The following EBF4 variants were observed in gnomAD, a reference collection of about 807,000 sequenced individuals.
EBF4 encodes transcription factor COE4.
In EBF4, 34 loss-of-function variants were observed where a neutral mutation model predicts 67.1. The ratio of observed to expected loss-of-function variants is 0.51; its 90% confidence interval spans 0.39 to 0.67. The LOEUF (loss-of-function observed/expected upper bound fraction) is 0.67. EBF4 is among the 30% of genes least tolerant of loss of function. The probability of loss-of-function intolerance (pLI) is 0.00; values close to 1 mark genes in which losing one functional copy is unlikely to be tolerated. For synonymous variants in EBF4, 387 were observed against 377.7 expected (o/e 1.02, Z -0.29); for missense variants, 837 against 873.3 (o/e 0.96, Z 0.52).
chr20:2,701,005 G>A (rs1374089239), intron 1 of EBF4, among the ~76,000 whole-genome samples: 1 of 152,200 alleles, frequency 6.6e-6, no homozygotes, highest in Non-Finnish European at 1.5e-5. Flanking sequence ...TCCCAGGCAA[G>A]GGGCAGCCCC....
chr20:2,706,659 A>T (rs2087463624), intron 4 of EBF4, among the ~76,000 whole-genome samples: 1 of 152,152 alleles, frequency 6.6e-6, no homozygotes. Context: ...AGCAAGTACC[A>T]GGATTTTGCA....
At chr20:2,706,670 C>T (rs989161143) in intron 4 of EBF4, among the ~76,000 whole-genome samples, 4 of 152,146 alleles carry the variant, frequency 2.6e-5, no homozygotes, top group African/African-American at 9.7e-5. Context: ...GGATTTTGCA[C>T]CCCGTATCAA....
At chr20:2,744,492 C>T (rs4813614) in intron 6 of EBF4, among the ~76,000 whole-genome samples, 35,586 of 115,636 alleles carry the variant, frequency 0.31, 5,888 homozygotes, top group African/African-American at 0.42. Flanking sequence ...TTTTTCTTTT[C>T]TTTTTTTTTT....
Position 2,752,556 on chromosome 20 carries a change from C to G in EBF4, c.1540+11C>G, listed in dbSNP as rs2088172317. 3 of 1,236,540 alleles carry G rather than the reference C, an allele frequency of 2.4e-6. No homozygotes were observed. The highest frequency in any genetic ancestry group is 2.0e-6 in the Non-Finnish European group (2 of 987,290). 76.6% of individuals were successfully genotyped at this position (1,236,540 alleles called of 1,614,324 possible). Reference sequence around the variant, plus strand: ...CCTCGCCCTTCGCCAGTGAGTGTCCCCCGCCCGCGAGGGAAGGTCTGGGGC... The same window carrying G: ...CCTCGCCCTTCGCCAGTGAGTGTCCGCCGCCCGCGAGGGAAGGTCTGGGGC... On this transcript the variant is annotated intron_variant, in intron 14 of 16. Transcript: ENST00000609451.
At chr20:2,716,459 G>A (rs2087611881) in intron 6 of EBF4, among the ~76,000 whole-genome samples, 2 of 151,494 alleles carry the variant, frequency 1.3e-5, no homozygotes, top group African/African-American at 2.4e-5. Flanking sequence ...AACTCAGGAG[G>A]CGGAGGTTGT....
chr20:2,709,582 G>A (rs1421801726), exon 6 of EBF4: 3 of 1,555,386 alleles, frequency 1.9e-6, no homozygotes, highest in Non-Finnish European at 2.6e-6. Context: ...AGCCGGTGCT[G>A]TGACCGGAAG....
At chr20:2,727,360 G>A (rs2087759303) in intron 6 of EBF4, among the ~76,000 whole-genome samples, 1 of 152,026 alleles carries the variant, frequency 6.6e-6, no homozygotes. Flanking sequence ...AGTATATGCA[G>A]GGATTGGCCA....
intron 13 of EBF4, 43 bp downstream of exon 13, chr20:2,752,306 C>G (rs1321171396): frequency 5.0e-6 from 6 of 1,202,118 alleles, no homozygotes; most frequent in Non-Finnish European, 4.1e-6. Flanking sequence ...GCGCCGCCAC[C>G]GCCCCTCCCC....
At chr20:2,752,023 C>G (rs926014366) in intron 12 of EBF4, 36 bp downstream of exon 12, 8 of 1,526,112 alleles carry the variant, frequency 5.2e-6, no homozygotes, top group East Asian at 5.1e-5. Flanking sequence ...CCGCCGGGAC[C>G]GGGGCCCCCC....
At chr20:2,723,848 A>G (rs929592778) in intron 6 of EBF4, among the ~76,000 whole-genome samples, 2 of 151,864 alleles carry the variant, frequency 1.3e-5, no homozygotes, top group African/African-American at 2.4e-5. Flanking sequence ...TGTGCTTTCT[A>G]TTTGTTCCAC....
chr20:2,736,483 CCT>C (rs1467949021), intron 6 of EBF4, among the ~76,000 whole-genome samples: 1 of 152,144 alleles, frequency 6.6e-6, no homozygotes, highest in Non-Finnish European at 1.5e-5. Flanking sequence ...TGCAACATTC[CCT>C]GTTTTCCTCT....
At chr20:2,749,815 G>T in intron 9 of EBF4, 32 bp from the exon 10 acceptor site, 1 of 1,543,096 alleles carries the variant, frequency 6.5e-7, no homozygotes, top group Non-Finnish European at 8.8e-7. Context: ...TCGCCGGTGC[G>T]GGACCTGCAG....
rs148124170 is a variant in EBF4, at chr20:2,738,483, G to C, written c.558-10066G>C. Among the ~76,000 whole-genome samples the C allele has an allele frequency of 1.3e-5, 2 of 152,274 alleles. 1 individual carries two copies. The highest frequency in any genetic ancestry group is 4.8e-5 in the African/African-American group (2 of 41,548). ...CCCAGGCTTGAGAGGACTTGTGTGG[G>C]TGCATGTGTACATCTGTGTCCACAC... On this transcript the variant is annotated intron_variant, in intron 6 of 16. Transcript: ENST00000609451.
chr20:2,734,932 A>G (rs1271616353), intron 6 of EBF4, among the ~76,000 whole-genome samples: 4 of 152,184 alleles, frequency 2.6e-5, no homozygotes, highest in African/African-American at 9.7e-5. Flanking sequence ...TTTTTTGGGC[A>G]TGTGCCTCTC....
At chr20:2,732,807 A>C (rs55998341) in intron 6 of EBF4, among the ~76,000 whole-genome samples, 3 of 146,798 alleles carry the variant, frequency 2.0e-5, no homozygotes, top group Middle Eastern at 3.6e-3. Flanking sequence ...TTTTTCTTTT[A>C]TTTTTTCTTT....
chr20:2,744,695 T>G (rs1330732142), intron 6 of EBF4, among the ~76,000 whole-genome samples: 1 of 151,846 alleles, frequency 6.6e-6, no homozygotes, highest in African/African-American at 2.4e-5. Context: ...TTTCGCAGCA[T>G]TGGGCAGGCT....
chr20:2,754,333 CTT>C (rs2088204202), intron 14 of EBF4, among the ~76,000 whole-genome samples: 1 of 152,122 alleles, frequency 6.6e-6, no homozygotes, highest in Non-Finnish European at 1.5e-5. Flanking sequence ...TTGGGTCTCT[CTT>C]TGTTTTTCTG....
intron 6 of EBF4, among the ~76,000 whole-genome samples, chr20:2,711,109 C>G (rs2087537542): frequency 6.6e-6 from 1 of 151,700 alleles, no homozygotes; most frequent in Non-Finnish European, 1.5e-5. Context: ...GATTGTGCCA[C>G]TGCACTCCAG....
In EBF4 at chr20:2,755,645, C is replaced by G. The variant is rs763788139; in HGVS notation, c.1559C>G (p.Pro520Arg). The stretch of plus-strand genomic sequence containing the variant: ...CCCGGAGTCATGCCCTCTAGCCCCC[C>G]GCTGGCGGCTGCCTCCTCCATGTCC... The change falls in exon 15 of 17, where the codon CCG becomes CGG. Residue 520 changes from proline (P) to arginine (R), a missense_variant. Around this residue, in one of 3 missense-constraint regions of EBF4, gnomAD observed 525 missense variants for 496.5 expected, o/e 1.06. Transcript: ENST00000609451. The surrounding 1 kb of genome is among the most constrained non-coding windows in gnomAD (Gnocchi z 4.7). 22 of 1,540,144 alleles carry G rather than the reference C, an allele frequency of 1.4e-5. No individual in the cohort carries two copies. The Middle Eastern group carries it at 6.7e-4, about 47-fold the overall frequency.
Sources: gnomAD v4.1 joint callset for allele counts (sites outside exome capture counted in the v4.1 genomes callset) on GRCh38, gnomAD v4.1.1 for gene constraint, gnomAD v4.1.1 regional missense constraint, Gnocchi (gnomAD v3.1) non-coding constraint, MANE v1.5 for transcripts, NCBI Gene and HGNC (gene_info 2026-07-23, HGNC 2026-07-21) for gene names.